Variants in THSD4 observed in about 807,000 individuals in gnomAD.
The protein encoded by THSD4 is thrombospondin type 1 domain containing 4.
THSD4 carries 69 observed loss-of-function variants against 119.0 expected under a neutral mutation model. The observed-to-expected ratio is 0.58, with a 90% confidence interval of 0.48 to 0.71. The LOEUF is 0.71. THSD4 is among the 30% of genes least tolerant of loss of function. The pLI is 0.00. For synonymous variants in THSD4, 524 were observed against 540.4 expected, an observed-to-expected ratio of 0.97 and a Z score of 0.42; for missense variants, 1,393 against 1,391.1, an observed-to-expected ratio of 1.00 and a Z score of -0.02.
At chr15:71,744,541 A>G (rs1034515744) in intron 11 of THSD4, among the ~76,000 whole-genome samples, 5 of 152,138 alleles carry the variant, frequency 3.3e-5, no homozygotes, top group African/African-American at 4.8e-5. Flanking sequence ...CTGTGCTTCA[A>G]CCTATCCCTT....
chr15:71,423,010 G>A (rs1361349518), intron 7 of THSD4, among the ~76,000 whole-genome samples: 2 of 152,182 alleles, frequency 1.3e-5, no homozygotes, highest in African/African-American at 4.8e-5. Flanking sequence ...TGTCGCTGAT[G>A]TTCACTCGAG....
chr15:71,362,862 A>G (rs540309277), intron 6 of THSD4, among the ~76,000 whole-genome samples: 1 of 152,094 alleles, frequency 6.6e-6, no homozygotes, highest in African/African-American at 2.4e-5. Context: ...TCCCTTCACC[A>G]AATTATAAAT....
rs57687864 is a variant in THSD4 at position 71,377,914 on chromosome 15, A to ACACCCACACACCT, written c.1016-33773_1016-33772insCACCCACACACCT. Among the ~76,000 whole-genome samples the ACACCCACACACCT allele has an allele frequency of 2.4e-3, 352 of 146,254 alleles. 5 individuals carry two copies. The highest frequency in any genetic ancestry group is 5.8e-3 in the African/African-American group (230 of 39,764). ...CACACACACACACACACACACACAC[A>ACACCCACACACCT]ATTTCCTTCAGTGACTCTTCTGAAA... On this transcript the variant is annotated intron_variant, in intron 6 of 17. Coordinates refer to ENST00000261862, the MANE Select transcript of THSD4 (RefSeq NM_024817.3).
intron 7 of THSD4, among the ~76,000 whole-genome samples, chr15:71,424,111 C>A (rs1488178620): frequency 6.6e-6 from 1 of 152,142 alleles, no homozygotes; most frequent in African/African-American, 2.4e-5. Flanking sequence ...GTGCCCCTTT[C>A]AGTGATCCTA....
At chr15:71,479,138 CA>C (rs1331445403) in intron 7 of THSD4, among the ~76,000 whole-genome samples, 3 of 121,718 alleles carry the variant, frequency 2.5e-5, no homozygotes, top group Non-Finnish European at 5.0e-5. Flanking sequence ...AAATGCTGAT[CA>C]CTTGTTCACT....
rs769485487 is a variant in THSD4, at chr15:71,208,010, A to G, written c.100-7025A>G. 3.4e-4 allele frequency among the ~76,000 whole-genome samples: 52 copies of G among 152,320 alleles called. 2 individuals carry two copies. Among genetic ancestry groups the G allele is most frequent in the African/African-American group, 1.0e-3 (43 of 41,572 alleles). On this transcript the variant is annotated intron_variant, in intron 3 of 17. Transcript: ENST00000261862. ...GAGGCACATCAGAGAGCAATTGCAC[A>G]TGATTGGTCTCAGCATAAACAGCAA...
chr15:71,459,856 A>C (rs2047402931), intron 7 of THSD4, among the ~76,000 whole-genome samples: 1 of 152,186 alleles, frequency 6.6e-6, no homozygotes, highest in South Asian at 2.1e-4. Flanking sequence ...TTAGGCAGAT[A>C]AGCTTTATAC....
chr15:71,492,078 G>T (rs2047927964), intron 7 of THSD4, among the ~76,000 whole-genome samples: 1 of 150,098 alleles, frequency 6.7e-6, no homozygotes, highest in African/African-American at 2.5e-5. Flanking sequence ...ATGTTTTTCT[G>T]TGGGCATGTT....
chr15:71,404,895 T>G (rs1371043939), intron 6 of THSD4, among the ~76,000 whole-genome samples: 1 of 78,458 alleles, frequency 1.3e-5, no homozygotes, highest in Non-Finnish European at 3.3e-5. Context: ...TTCTTTTCTT[T>G]GCTTTTCTTT....
chr15:71,436,128 C>T (rs1400844496), intron 7 of THSD4, among the ~76,000 whole-genome samples: 1 of 152,134 alleles, frequency 6.6e-6, no homozygotes, highest in Non-Finnish European at 1.5e-5. Flanking sequence ...GGACCCACAG[C>T]ACAGTTTGTC....
chr15:71,671,868 G>T (rs1196176495), intron 8 of THSD4, among the ~76,000 whole-genome samples: 1 of 152,188 alleles, frequency 6.6e-6, no homozygotes, highest in Non-Finnish European at 1.5e-5. Flanking sequence ...CCAGTACCAT[G>T]CTTGTTTTGG....
At chr15:71,269,025 A>G (rs1341582925) in intron 6 of THSD4, among the ~76,000 whole-genome samples, 4 of 152,188 alleles carry the variant, frequency 2.6e-5, no homozygotes, top group Non-Finnish European at 4.4e-5. Flanking sequence ...GGCAAATTCT[A>G]CCAGAGGTAC....
At chr15:71,629,071 A>G (rs898694772) in intron 7 of THSD4, among the ~76,000 whole-genome samples, 5 of 152,168 alleles carry the variant, frequency 3.3e-5, no homozygotes, top group South Asian at 2.1e-4. Flanking sequence ...AACTTACCAG[A>G]CCCTTGAAAC....
At chr15:71,173,559 C>G (rs1457112327) in intron 3 of THSD4, among the ~76,000 whole-genome samples, 1 of 101,744 alleles carries the variant, frequency 9.8e-6, no homozygotes, top group Non-Finnish European at 2.3e-5. Context: ...GACCTACACA[C>G]ACACACACAT....
chr15:71,615,795 C>T (rs190187016), intron 7 of THSD4, among the ~76,000 whole-genome samples: 7 of 152,176 alleles, frequency 4.6e-5, no homozygotes. Flanking sequence ...AGGACCCAGG[C>T]ATTTAAGATG....
At chr15:71,109,565 G>A (rs1312711406) in intron 1 of THSD4, among the ~76,000 whole-genome samples, 1 of 152,134 alleles carries the variant, frequency 6.6e-6, no homozygotes, top group Non-Finnish European at 1.5e-5. Flanking sequence ...CATAGGGGAG[G>A]CGACTGCAGT....
intron 7 of THSD4, among the ~76,000 whole-genome samples, chr15:71,423,289 G>A (rs1295815104): frequency 2.0e-5 from 3 of 152,158 alleles, no homozygotes; most frequent in African/African-American, 7.2e-5. Flanking sequence ...ACAGCTGGGA[G>A]TGCGCTCAGT....
At chr15:71,424,985 A>G (rs1338414884) in intron 7 of THSD4, among the ~76,000 whole-genome samples, 5 of 152,178 alleles carry the variant, frequency 3.3e-5, no homozygotes, top group Admixed American at 1.3e-4. Context: ...AATGATCCTG[A>G]GTCAGAATGA....
intron 7 of THSD4, among the ~76,000 whole-genome samples, chr15:71,505,529 T>A (rs2048173531): frequency 6.6e-6 from 1 of 152,132 alleles, no homozygotes; most frequent in South Asian, 2.1e-4. Context: ...GGGGCAAAAT[T>A]TGTGATTAAA....
Sources: allele counts gnomAD v4.1 joint callset (sites outside exome capture counted in the v4.1 genomes callset), GRCh38; gene constraint gnomAD v4.1.1; transcripts MANE v1.5; gene names NCBI Gene and HGNC (gene_info 2026-07-23, HGNC 2026-07-21).